CD226: variants seen among roughly 807,000 people sequenced by gnomAD.
CD226 encodes CD226 molecule, also known as CD226 antigen.
CD226 carries 24 observed loss-of-function variants against 34.9 expected under a neutral mutation model. The observed-to-expected ratio is 0.69, with a 90% confidence interval of 0.50 to 0.97. The LOEUF is 0.97. Ranked by LOEUF, CD226 falls within the 50% of genes least tolerant of loss-of-function variation. CD226 has a pLI of 0.00. For synonymous variants in CD226, 148 were observed against 147.4 expected, an observed-to-expected ratio of 1.00 and a Z score of -0.03; for missense variants, 397 against 412.7, an observed-to-expected ratio of 0.96 and a Z score of 0.33.
At position 69,886,535 on chromosome 18, in the gene CD226, G is replaced by T. The variant is rs547489380; in HGVS notation, c.727+9166C>A. ...AGCTTGACCAATGTGGTGAAACCCC[G>T]TCTCTTCTAAAAATACAAAAATTAG... On this transcript the variant is annotated intron_variant, in intron 3 of 5. Transcript: ENST00000582621. Among the ~76,000 whole-genome samples the T allele has an allele frequency of 3.3e-5, 5 of 152,094 alleles. No homozygotes were observed. In the South Asian group the frequency reaches 1.0e-3, roughly 32 times the overall value.
intron 2 of CD226, among the ~76,000 whole-genome samples, chr18:69,935,323 C>T (rs1267827170): frequency 2.6e-5 from 4 of 152,240 alleles, no homozygotes; most frequent in Non-Finnish European, 5.9e-5. Flanking sequence ...CACCTACTCA[C>T]TAATCCTATA....
At chr18:69,946,180 CAAAAAAAAAAAAAA>C (rs60750165) in intron 2 of CD226, among the ~76,000 whole-genome samples, 6 of 66,376 alleles carry the variant, frequency 9.0e-5, no homozygotes, top group East Asian at 4.2e-4. Flanking sequence ...AAGACTCCAT[CAAAAAAAAAAAAAA>C]AAAAAAAAAA....
intron 3 of CD226, among the ~76,000 whole-genome samples, chr18:69,875,200 A>G (rs1983789862): frequency 6.6e-6 from 1 of 152,162 alleles, no homozygotes; most frequent in Non-Finnish European, 1.5e-5. Context: ...GTGCAGTGGC[A>G]CAATCTCAGC....
At chr18:69,958,584 G>A (rs755364099), upstream of CD226, among the ~76,000 whole-genome samples, 1 of 152,094 alleles carries the variant, frequency 6.6e-6, no homozygotes, top group Non-Finnish European at 1.5e-5. Context: ...GGCTGAAACA[G>A]TCACCGTCTA....
At chr18:69,935,181 T>C (rs1320709882) in intron 2 of CD226, among the ~76,000 whole-genome samples, 1 of 152,222 alleles carries the variant, frequency 6.6e-6, no homozygotes, top group African/African-American at 2.4e-5. Flanking sequence ...CTTATTTTCT[T>C]TTTGTTTGCT....
At chr18:69,951,075 T>C (rs2032726059), upstream of CD226, among the ~76,000 whole-genome samples, 1 of 151,148 alleles carries the variant, frequency 6.6e-6, no homozygotes. Context: ...CAAGTGACCC[T>C]CCCACTTCAG....
intron 3 of CD226, among the ~76,000 whole-genome samples, chr18:69,885,713 G>A (rs1984518185): frequency 6.6e-6 from 1 of 152,042 alleles, no homozygotes; most frequent in Non-Finnish European, 1.5e-5. Context: ...GACTTCACCA[G>A]CAACCAGCAC....
chr18:69,857,869 C>T lies in CD226; in HGVS notation c.*6445G>A, dbSNP rs1338414093. 10 of 152,112 alleles carry T rather than the reference C, an allele frequency of 6.6e-5. No homozygotes were observed. Among genetic ancestry groups the T allele is most frequent in the Admixed American group, 1.3e-4 (2 of 15,282 alleles). The allele number at this position is 152,112 out of a possible 1,614,324, so 9.4% of individuals were successfully genotyped here. On this transcript the variant is annotated 3_prime_UTR_variant, in exon 6 of 6. Transcript: ENST00000582621. Reference sequence around the variant, plus strand: ...GTATAATTTTGTGGCATTTTGATTACAAGTTTTCCATTTAAAAATGGACAA... The same window carrying T: ...GTATAATTTTGTGGCATTTTGATTATAAGTTTTCCATTTAAAAATGGACAA...
intron 5 of CD226, among the ~76,000 whole-genome samples, chr18:69,866,678 C>G (rs1983166028): frequency 6.6e-6 from 1 of 152,024 alleles, no homozygotes; most frequent in Non-Finnish European, 1.5e-5. Flanking sequence ...GGATACTGTC[C>G]CCTGCAAATT....
upstream of CD226, among the ~76,000 whole-genome samples, chr18:69,950,433 C>T (rs79849195): frequency 5.4e-3 from 828 of 152,278 alleles, 5 homozygotes; most frequent in African/African-American, 0.019. Context: ...TTATGAAGTG[C>T]ATGTCACGTT....
chr18:69,933,632 T>A (rs2055615807), intron 2 of CD226, among the ~76,000 whole-genome samples: 1 of 152,356 alleles, frequency 6.6e-6, no homozygotes, highest in South Asian at 2.1e-4. Context: ...AACAATAATA[T>A]CTATTCAACA....
chr18:69,941,556 G>A (rs1197291078), intron 2 of CD226, among the ~76,000 whole-genome samples: 1 of 152,238 alleles, frequency 6.6e-6, no homozygotes, highest in African/African-American at 2.4e-5. Flanking sequence ...CAGGATTTCA[G>A]ACTTGCATGG....
chr18:69,897,402 T>C (rs1985361141), intron 2 of CD226, among the ~76,000 whole-genome samples: 1 of 152,204 alleles, frequency 6.6e-6, no homozygotes, highest in Non-Finnish European at 1.5e-5. Context: ...TATTTATTAG[T>C]GATGAACACC....
At chr18:69,868,638 T>C (rs1250624317) in intron 4 of CD226, among the ~76,000 whole-genome samples, 1 of 152,238 alleles carries the variant, frequency 6.6e-6, no homozygotes, top group African/African-American at 2.4e-5. Flanking sequence ...ATCTATGATA[T>C]AGATGCTATT....
At chr18:69,873,469 A>T (rs1471722518) in intron 3 of CD226, among the ~76,000 whole-genome samples, 1 of 151,900 alleles carries the variant, frequency 6.6e-6, no homozygotes, top group Non-Finnish European at 1.5e-5. Flanking sequence ...GATTAAGCTG[A>T]GTTTTACACA....
upstream of CD226, among the ~76,000 whole-genome samples, chr18:69,949,521 AG>A (rs1693211240): frequency 6.6e-6 from 1 of 152,216 alleles, no homozygotes; most frequent in African/African-American, 2.4e-5. Context: ...TCCTGAGGAC[AG>A]GGTCCCCCTA....
chr18:69,883,437 G>C (rs1255905082), intron 3 of CD226, among the ~76,000 whole-genome samples: 1 of 152,116 alleles, frequency 6.6e-6, no homozygotes, highest in African/African-American at 2.4e-5. Context: ...TTAAAGCGGG[G>C]ATTAACCATC....
intron 2 of CD226, among the ~76,000 whole-genome samples, chr18:69,918,861 T>C (rs945565992): frequency 7.2e-5 from 11 of 152,140 alleles, no homozygotes; most frequent in Non-Finnish European, 1.3e-4. Context: ...GCCTGGACTG[T>C]TGCCCAATAC....
chr18:69,930,296 C>T (rs1373652328), intron 2 of CD226, among the ~76,000 whole-genome samples: 1 of 152,112 alleles, frequency 6.6e-6, no homozygotes, highest in Non-Finnish European at 1.5e-5. Flanking sequence ...TGAGGCAAAA[C>T]AAAGCATAAA....
Sources: allele counts gnomAD v4.1 joint callset (sites outside exome capture counted in the v4.1 genomes callset), GRCh38; gene constraint gnomAD v4.1.1; transcripts MANE v1.5; gene names NCBI Gene and HGNC (gene_info 2026-07-23, HGNC 2026-07-21).